EVC: variants seen among roughly 807,000 people sequenced by gnomAD.
The protein encoded by EVC is EvC ciliary complex subunit 1, also known as evC complex member EVC.
EVC carries 116 observed loss-of-function variants against 118.9 expected under a neutral mutation model. The ratio of observed to expected loss-of-function variants is 0.98; its 90% confidence interval spans 0.84 to 1.14. The LOEUF is 1.14. EVC is among the 50% of genes most tolerant of loss of function. EVC has a pLI of 0.00. For synonymous variants in EVC, 619 were observed against 534.7 expected (o/e 1.16, Z -2.18); for missense variants, 1,401 against 1,246.4 (o/e 1.12, Z -1.87).
intron 1 of EVC, among the ~76,000 whole-genome samples, chr4:5,711,993 A>T (rs1443264912): frequency 2.0e-5 from 3 of 152,054 alleles, no homozygotes; most frequent in Non-Finnish European, 4.4e-5. Flanking sequence ...CCACATTGGC[A>T]TTCATTTTTT....
At chr4:5,762,350 C>T (rs375906245) in intron 11 of EVC, among the ~76,000 whole-genome samples, 7 of 137,592 alleles carry the variant, frequency 5.1e-5, no homozygotes, top group Admixed American at 1.4e-4. Flanking sequence ...TGAATAGTGC[C>T]GCAATAAACA....
intron 11 of EVC, chr4:5,758,229 G>T (rs1306792030): frequency 1.5e-6 from 1 of 675,724 alleles, no homozygotes; most frequent in Non-Finnish European, 2.7e-6. Context: ...AGCCTTTGGA[G>T]GGGGCGAGGC....
At chr4:5,825,213 ATGTG>A in the EVC span, 1 of 985,254 alleles carries the variant, frequency 1.0e-6, no homozygotes, top group Non-Finnish European at 1.2e-6. This position sits in a 1 kb window ranked among gnomAD's most constrained non-coding sequence, Gnocchi z 4.4. Context: ...GTGTCCCCAA[ATGTG>A]TGTAAGGATG....
the EVC span, chr4:5,820,824 AAT>A: frequency 6.6e-6 from 1 of 152,176 alleles, no homozygotes; most frequent in South Asian, 2.1e-4. Flanking sequence ...ACAAGCTTTG[AAT>A]TCAGAAATAA....
intron 11 of EVC, among the ~76,000 whole-genome samples, chr4:5,769,747 C>T (rs1733656593): frequency 6.6e-6 from 1 of 152,110 alleles, no homozygotes; most frequent in Non-Finnish European, 1.5e-5. Context: ...AAATCACAGC[C>T]CTGTCATGCG....
In EVC at chr4:5,783,545, G is replaced by A. The variant is rs201739032; in HGVS notation, c.1564-7G>A. 8.1e-6 allele frequency: 13 copies of A among 1,614,034 alleles called. No individual in the cohort carries two copies. The highest frequency in any genetic ancestry group is 2.2e-5 in the South Asian group (2 of 91,062). On this transcript the variant is annotated splice_region_variant and splice_polypyrimidine_tract_variant and intron_variant, in intron 11 of 20. Transcript: ENST00000264956. ...CCTGTAACCCCATCTGTGGTTCTCC[G>A]CTCCAGGAGCTGTACTTCAGCACCG...
In EVC at chr4:5,798,450, C is replaced by T. The variant is rs1233320668; in HGVS notation, c.2098-136C>T. 4.6e-6 allele frequency: 4 copies of T among 869,596 alleles called. No individual in the cohort carries two copies. The African/African-American group carries it at 5.0e-5, about 11-fold the overall frequency. 53.9% of individuals were successfully genotyped at this position (869,596 alleles called of 1,614,324 possible). On this transcript the variant is annotated intron_variant, in intron 14 of 20. Transcript: ENST00000264956. The surrounding 1 kb of genome is among the most constrained non-coding windows in gnomAD (Gnocchi z 4.1). ...CATTGATTTTTGCAAGCCCAGAGGC[C>T]ACCTCTTTCTGCCCTTTCTCCATCC...
rs1729971567 is a variant in EVC at position 5,749,247 on chromosome 4, C to T, written c.1098+941C>T. 6.6e-6 allele frequency among the ~76,000 whole-genome samples: 1 copy of T among 151,322 alleles called. No individual in the cohort carries two copies. Among genetic ancestry groups the T allele is most frequent in the Non-Finnish European group, 1.5e-5 (1 of 67,970 alleles). On this transcript the variant is annotated intron_variant, in intron 8 of 20. Coordinates refer to ENST00000264956, the MANE Select transcript of EVC (RefSeq NM_153717.3). The surrounding 1 kb of genome is among the most constrained non-coding windows in gnomAD (Gnocchi z 4.4). ...ATACAAACCCCTGGTGCATGGGTGT[C>T]CAACCTTTTGGCTTCCCTGGGCCAC...
intron 14 of EVC, among the ~76,000 whole-genome samples, chr4:5,797,584 G>C (rs1034436962): frequency 9.2e-5 from 14 of 152,134 alleles, no homozygotes; most frequent in African/African-American, 2.9e-4. Context: ...AGGCATATTG[G>C]ATCAAGGCCC....
intron 17 of EVC, 24 bp downstream of exon 17, chr4:5,804,865 CGTAGGGCT>C (rs767025398): frequency 9.0e-5 from 142 of 1,583,692 alleles, no homozygotes; most frequent in Non-Finnish European, 1.2e-4. Flanking sequence ...TGAGGTCCCA[CGTAGGGCT>C]GTTCTCTACC....
At chr4:5,729,506 G>A in intron 3 of EVC, 116 bp downstream of exon 3, 1 of 1,033,870 alleles carries the variant, frequency 9.7e-7, no homozygotes, top group South Asian at 1.3e-5. Context: ...GGGTTTTATG[G>A]CAAGTCATTT....
rs367968708 is a variant in EVC, at chr4:5,797,161, G to A, written c.2026G>A (p.Glu676Lys). Reference protein sequence around the residue: ...GKKHLLQELREQRALEQGSSQ... With the variant: ...GKKHLLQELRKQRALEQGSSQ... The stretch of plus-strand genomic sequence containing the variant: ...GAAGCACCTCCTGCAGGAGCTGCGG[G>A]AACAGCGTGCACTGGAGCAGGGGTC... Residue 676 changes from glutamate (E) to lysine (K), a missense_variant, in exon 14 of 21, where the codon GAA (glutamate) becomes AAA (lysine). By Grantham distance (56) the Glu-to-Lys change is moderately conservative. Transcript: ENST00000264956. The A allele has an allele frequency of 1.2e-6, 2 of 1,613,464 alleles. No individual in the cohort carries two copies. Among genetic ancestry groups the A allele is most frequent in the African/African-American group, 1.3e-5 (1 of 74,948 alleles).
chr4:5,755,185 G>T lies in EVC; in HGVS notation c.1465-1079G>T, dbSNP rs1423401232. On this transcript the variant is annotated intron_variant, in intron 10 of 20. Transcript: ENST00000264956. This position sits in a 1 kb window ranked among gnomAD's most constrained non-coding sequence, Gnocchi z 4.1. ...CCATTTGAAATAAGAGGAAGATAAG[G>T]CTATTCAGCTCCTCGTTATTTGGAT... 1.3e-5 allele frequency among the ~76,000 whole-genome samples: 2 copies of T among 152,150 alleles called. No homozygotes were observed. Among genetic ancestry groups the T allele is most frequent in the African/African-American group, 4.8e-5 (2 of 41,428 alleles).
intron 1 of EVC, among the ~76,000 whole-genome samples, chr4:5,716,630 AT>A (rs915623645): frequency 1.3e-5 from 2 of 152,218 alleles, no homozygotes; most frequent in Non-Finnish European, 2.9e-5. Flanking sequence ...TTAAGATGTT[AT>A]CTTTAGTTTC....
At chr4:5,712,016 A>G (rs187699861) in intron 1 of EVC, among the ~76,000 whole-genome samples, 35 of 152,304 alleles carry the variant, frequency 2.3e-4, no homozygotes, top group Non-Finnish European at 4.3e-4. Flanking sequence ...TTCACCCCAC[A>G]GTAAAAGTTT....
chr4:5,737,154 A>G lies in EVC; in HGVS notation c.702+3719A>G, dbSNP rs2151968425. Among the ~76,000 whole-genome samples the G allele has an allele frequency of 6.6e-6, 1 of 152,374 alleles. No homozygotes were observed. Among genetic ancestry groups the G allele is most frequent in the East Asian group, 1.9e-4 (1 of 5,186 alleles). On this transcript the variant is annotated intron_variant, in intron 5 of 20. Transcript: ENST00000264956. The surrounding 1 kb of genome is among the most constrained non-coding windows in gnomAD (Gnocchi z 5.0). ...GTCTGCATAGAAGATCAAACCAGAC[A>G]CAACATCCCCTTAAGCCAAAGCCTA... is the stretch of plus-strand genomic sequence containing the variant.
rs112283154 is a variant in EVC, at chr4:5,744,968, G to GTTTTTTTTTT, written c.802-229_802-220dup. On this transcript the variant is annotated intron_variant, in intron 6 of 20. Coordinates refer to ENST00000264956, the MANE Select transcript of EVC (RefSeq NM_153717.3). Reference sequence around the variant, plus strand: ...TTATTGATTTTTAAAGTATGGTCTAGTTTTTTTTTTTTTTTTGAGGGAGGA... The same window carrying GTTTTTTTTTT: ...TTATTGATTTTTAAAGTATGGTCTAGTTTTTTTTTTTTTTTTTTTTTTTTTTGAGGGAGGA... Among the ~76,000 whole-genome samples, 5 of 139,900 alleles carry GTTTTTTTTTT rather than the reference G, an allele frequency of 3.6e-5. 1 individual carries two copies. Among genetic ancestry groups the GTTTTTTTTTT allele is most frequent in the Non-Finnish European group, 4.6e-5 (3 of 64,644 alleles). 91.8% of individuals were successfully genotyped at this position (139,900 alleles called of 152,430 possible).
At chr4:5,822,295 G>A in the EVC span, among the ~76,000 whole-genome samples, 1 of 152,228 alleles carries the variant, frequency 6.6e-6, no homozygotes, top group Non-Finnish European at 1.5e-5. Context: ...CACAGGTGTT[G>A]GGTGGGGAAG....
chr4:5,770,930 T>C (rs529175073), intron 11 of EVC, among the ~76,000 whole-genome samples: 9 of 151,782 alleles, frequency 5.9e-5, no homozygotes, highest in African/African-American at 2.2e-4. Context: ...GGAGAATTGT[T>C]GAACCCGGGA....
Sources: gnomAD v4.1 joint callset for allele counts (sites outside exome capture counted in the v4.1 genomes callset) on GRCh38, gnomAD v4.1.1 for gene constraint, Gnocchi (gnomAD v3.1) non-coding constraint, MANE v1.5 for transcripts, NCBI Gene and HGNC (gene_info 2026-07-23, HGNC 2026-07-21) for gene names.